Variants in RBFOX1 observed in about 807,000 individuals in gnomAD.
RBFOX1 encodes the protein RNA binding fox-1 homolog 1.
In RBFOX1, 8 loss-of-function variants were observed where a neutral mutation model predicts 57.7. That is an observed-to-expected ratio of 0.14 (90% CI 0.08 to 0.25). RBFOX1 has a LOEUF of 0.25. RBFOX1 is among the 10% of genes least tolerant of loss of function. The probability of loss-of-function intolerance (pLI) is 1.00; values close to 1 mark genes in which losing one functional copy is unlikely to be tolerated. For missense variants in RBFOX1, 611 were observed against 548.5 expected (o/e 1.11, Z -1.14); for synonymous variants, 326 against 222.4 (o/e 1.47, Z -4.15).
intron 2 of RBFOX1, among the ~76,000 whole-genome samples, chr16:6,460,010 A>ACAAAC (rs2094877824): frequency 7.4e-6 from 1 of 134,484 alleles, no homozygotes; most frequent in Non-Finnish European, 1.5e-5. Flanking sequence ...AAAAAAAAAA[A>ACAAAC]AAAAAAAAAA....
chr16:7,180,920 T>G (rs1305907054), intron 4 of RBFOX1, among the ~76,000 whole-genome samples: 3 of 152,236 alleles, frequency 2.0e-5, no homozygotes, highest in African/African-American at 7.2e-5. Flanking sequence ...ATAAATATTG[T>G]AGGGTGGTGG....
At chr16:6,706,567 C>A (rs946068050) in intron 3 of RBFOX1, among the ~76,000 whole-genome samples, 2 of 152,182 alleles carry the variant, frequency 1.3e-5, no homozygotes, top group Admixed American at 6.5e-5. Flanking sequence ...TTACCTGTTT[C>A]TGGATGCTGG....
chr16:6,745,905 C>G (rs2073490988), intron 3 of RBFOX1, among the ~76,000 whole-genome samples: 2 of 152,158 alleles, frequency 1.3e-5, no homozygotes, highest in African/African-American at 4.8e-5. Flanking sequence ...CAGAAAGTCA[C>G]TGGAACTTAG....
intron 4 of RBFOX1, among the ~76,000 whole-genome samples, chr16:7,057,902 G>A (rs879567963): frequency 1.4e-4 from 22 of 151,884 alleles, no homozygotes; most frequent in African/African-American, 2.2e-4. Context: ...CAGCTACTCC[G>A]GAGGCTGAGG....
At chr16:6,547,077 T>C (rs2096906684) in intron 2 of RBFOX1, among the ~76,000 whole-genome samples, 1 of 152,196 alleles carries the variant, frequency 6.6e-6, no homozygotes, top group Admixed American at 6.5e-5. Flanking sequence ...GAAGCAGAAA[T>C]GTGTTCTTCC....
chr16:5,596,504 G>A (rs2047188640), intron 2 of RBFOX1, among the ~76,000 whole-genome samples: 1 of 152,172 alleles, frequency 6.6e-6, no homozygotes, highest in Admixed American at 6.5e-5. Context: ...TGGGGCAGGA[G>A]TGTGTCCCTA....
intron 2 of RBFOX1, among the ~76,000 whole-genome samples, chr16:5,552,506 T>G (rs1449552846): frequency 2.0e-5 from 3 of 152,182 alleles, no homozygotes; most frequent in Non-Finnish European, 4.4e-5. Context: ...GTAACTTACT[T>G]AAAACCACAC....
intron 4 of RBFOX1, among the ~76,000 whole-genome samples, chr16:7,406,524 G>C (rs1303746783): frequency 6.6e-6 from 1 of 152,170 alleles, no homozygotes; most frequent in African/African-American, 2.4e-5. Context: ...CTTTTGAGTG[G>C]ACAGTAAATT....
chr16:7,644,098 C>A (rs2063314694), intron 11 of RBFOX1, among the ~76,000 whole-genome samples: 1 of 152,264 alleles, frequency 6.6e-6, no homozygotes. Flanking sequence ...AAGTAGAAAG[C>A]TTTTCCCGGA....
chr16:6,952,569 T>A (rs1055660282), intron 3 of RBFOX1, among the ~76,000 whole-genome samples: 2 of 151,738 alleles, frequency 1.3e-5, no homozygotes, highest in African/African-American at 4.8e-5. Context: ...GCCTGGGAGA[T>A]CAAGGCTGCA....
chr16:6,085,041 C>T (rs537843644), intron 1 of RBFOX1, among the ~76,000 whole-genome samples: 2 of 152,260 alleles, frequency 1.3e-5, no homozygotes, highest in East Asian at 3.9e-4. Flanking sequence ...CCTCAGCGTG[C>T]GTGCTTCATT....
chr16:5,378,866 T>C (rs539955017), intron 1 of RBFOX1, among the ~76,000 whole-genome samples: 1 of 151,682 alleles, frequency 6.6e-6, no homozygotes, highest in East Asian at 1.9e-4. Flanking sequence ...CATTTTATGA[T>C]TATGGATTAG....
intron 4 of RBFOX1, among the ~76,000 whole-genome samples, chr16:7,184,475 T>C (rs2152544108): frequency 6.6e-6 from 1 of 152,332 alleles, no homozygotes; most frequent in South Asian, 2.1e-4. Context: ...TGCATGCATG[T>C]TTTTACCTCC....
chr16:6,919,882 C>A (rs758661544), intron 3 of RBFOX1, among the ~76,000 whole-genome samples: 6 of 150,434 alleles, frequency 4.0e-5, no homozygotes, highest in East Asian at 2.0e-4. Flanking sequence ...GTGCACCCAT[C>A]ACCTGAGCAG....
At chr16:5,923,328 G>A (rs1272405165) in intron 4 of RBFOX1, among the ~76,000 whole-genome samples, 4 of 152,088 alleles carry the variant, frequency 2.6e-5, no homozygotes. Flanking sequence ...GACCTTGCAG[G>A]ACCCTCAGAA....
intron 1 of RBFOX1, among the ~76,000 whole-genome samples, chr16:5,370,592 G>A (rs1420367695): frequency 6.6e-6 from 1 of 151,904 alleles, no homozygotes; most frequent in Non-Finnish European, 1.5e-5. Context: ...TCCTGGCCTG[G>A]AGTGATCCTC....
At chr16:5,442,277 A>G (rs952159839) in intron 1 of RBFOX1, among the ~76,000 whole-genome samples, 1 of 152,226 alleles carries the variant, frequency 6.6e-6, no homozygotes, top group African/African-American at 2.4e-5. Context: ...GGGATGTTGC[A>G]TGTTATGAGA....
intron 12 of RBFOX1, among the ~76,000 whole-genome samples, chr16:7,662,853 GAGTA>G (rs1342575882): frequency 2.6e-4 from 39 of 152,340 alleles, no homozygotes; most frequent in Admixed American, 1.2e-3. Context: ...TTTAACAGAT[GAGTA>G]AGTGAGGTTC....
intron 3 of RBFOX1, among the ~76,000 whole-genome samples, chr16:6,776,923 C>T (rs1277012044): frequency 6.6e-6 from 1 of 152,130 alleles, no homozygotes; most frequent in Non-Finnish European, 1.5e-5. Flanking sequence ...GGGAAATGTA[C>T]ACCTGGCTTT....
Sources: allele counts gnomAD v4.1 joint callset (sites outside exome capture counted in the v4.1 genomes callset), GRCh38; gene constraint gnomAD v4.1.1; transcripts MANE v1.5; gene names NCBI Gene and HGNC (gene_info 2026-07-23, HGNC 2026-07-21).